The following NEDD9 variants were observed in gnomAD, a reference collection of about 807,000 sequenced individuals.
NEDD9 encodes the protein enhancer of filamentation 1.
In NEDD9, 26 loss-of-function variants were observed where a neutral mutation model predicts 76.6. That is an observed-to-expected ratio of 0.34 (90% CI 0.25 to 0.47). NEDD9 has a LOEUF of 0.47. Among genes scored for constraint, NEDD9 ranks in the 20% least tolerant of loss-of-function variants. The pLI, the probability that NEDD9 is intolerant of heterozygous loss-of-function variation, is 1.00. For missense variants in NEDD9, 937 were observed against 1,058.5 expected (o/e 0.89, Z 1.59); for synonymous variants, 392 against 414.2 (o/e 0.95, Z 0.65).
chr6:11,379,503 A>G (rs1233035371), intron 1 of NEDD9, among the ~76,000 whole-genome samples: 1 of 152,094 alleles, frequency 6.6e-6, no homozygotes, highest in Admixed American at 6.6e-5. Flanking sequence ...CAAGAGAATC[A>G]CTTGAACCTG....
chr6:11,345,943 C>T (rs1368384376), intron 1 of NEDD9, among the ~76,000 whole-genome samples: 1 of 152,230 alleles, frequency 6.6e-6, no homozygotes, highest in African/African-American at 2.4e-5. Context: ...TGCACCTGCT[C>T]TGTTTGCGTA....
intron 1 of NEDD9, among the ~76,000 whole-genome samples, chr6:11,218,733 A>G (rs1759050227): frequency 1.3e-5 from 2 of 152,186 alleles, no homozygotes; most frequent in Admixed American, 1.3e-4. Context: ...GAATTTTCAG[A>G]TGGAAGTGGG....
chr6:11,342,806 G>A (rs1178094394), intron 1 of NEDD9, among the ~76,000 whole-genome samples: 1 of 152,124 alleles, frequency 6.6e-6, no homozygotes, highest in Non-Finnish European at 1.5e-5. Context: ...AAAAAATAAT[G>A]ACTGATAAAT....
chr6:11,232,481 A>C, intron 1 of NEDD9, 23 bp downstream of exon 1: 1 of 1,614,212 alleles, frequency 6.2e-7, no homozygotes, highest in Non-Finnish European at 8.5e-7. Flanking sequence ...TTGCAAGGTA[A>C]CCTGTAAAAG....
At chr6:11,278,052 CG>C (rs1760451666) in intron 3 of NEDD9, among the ~76,000 whole-genome samples, 2 of 152,150 alleles carry the variant, frequency 1.3e-5, no homozygotes, top group Admixed American at 6.5e-5. Flanking sequence ...GAATGGGAGT[CG>C]GGTGCTTCCT....
intron 3 of NEDD9, among the ~76,000 whole-genome samples, chr6:11,255,496 C>CT (rs1444112598): frequency 6.6e-6 from 1 of 152,030 alleles, no homozygotes; most frequent in Non-Finnish European, 1.5e-5. Flanking sequence ...TAGAATTAGT[C>CT]TGGTGACAAG....
At chr6:11,355,860 A>G (rs1222085409) in intron 1 of NEDD9, among the ~76,000 whole-genome samples, 2 of 152,156 alleles carry the variant, frequency 1.3e-5, no homozygotes, top group East Asian at 3.9e-4. Flanking sequence ...AGCTGGGACT[A>G]CAGGCACCCG....
In NEDD9 at chr6:11,191,148, A is replaced by T. The variant is rs1280358728; in HGVS notation, c.721T>A (p.Tyr241Asn). The T allele has an allele frequency of 6.2e-7, 1 of 1,613,774 alleles. No homozygotes were observed. Among genetic ancestry groups the T allele is most frequent in the Admixed American group, 1.7e-5 (1 of 59,980 alleles). The change falls in exon 5 of 7, where the codon TAT becomes AAT. Residue 241 changes from tyrosine (Y) to asparagine (N), a missense_variant. Transcript: ENST00000379446. The stretch of plus-strand genomic sequence containing the variant: ...TGTCTCATGGGAGGGGGGAAGTCAT[A>T]GTCTTTTTCCCTAAGCCCTGCTTCA... ...RDEAGLREKD[Y>N]DFPPPMRQAG... is the part of the protein sequence containing the mutation.
At chr6:11,281,284 C>G (rs11969780) in intron 3 of NEDD9, among the ~76,000 whole-genome samples, 2,645 of 152,324 alleles carry the variant, frequency 0.017, 74 homozygotes, top group African/African-American at 0.059. Context: ...GGGCTCTTCC[C>G]CAGCCCTAAA....
intron 3 of NEDD9, among the ~76,000 whole-genome samples, chr6:11,297,067 A>T (rs999216768): frequency 2.0e-5 from 3 of 150,798 alleles, no homozygotes; most frequent in Non-Finnish European, 2.9e-5. Context: ...ATAACATGCC[A>T]TGCCTGGCTG....
chr6:11,270,634 G>A (rs752182520), intron 3 of NEDD9, among the ~76,000 whole-genome samples: 2 of 152,126 alleles, frequency 1.3e-5, no homozygotes, highest in Admixed American at 6.6e-5. Context: ...CCTCACGTCC[G>A]CATACAGGAG....
intron 3 of NEDD9, among the ~76,000 whole-genome samples, chr6:11,238,223 A>G (rs1446998266): frequency 6.6e-6 from 1 of 152,114 alleles, no homozygotes; most frequent in Non-Finnish European, 1.5e-5. Context: ...TATTGTTCTT[A>G]CTTTACACTT....
intron 3 of NEDD9, among the ~76,000 whole-genome samples, chr6:11,295,192 G>T (rs1760862621): frequency 6.6e-6 from 1 of 152,192 alleles, no homozygotes; most frequent in African/African-American, 2.4e-5. Flanking sequence ...GCACACCTTT[G>T]TATGTACCTC....
intron 3 of NEDD9, among the ~76,000 whole-genome samples, chr6:11,263,720 A>G (rs1036392368): frequency 1.4e-4 from 21 of 152,188 alleles, no homozygotes; most frequent in Non-Finnish European, 5.9e-5. Context: ...ACATGTGCAT[A>G]GGTGCCATTT....
intron 3 of NEDD9, among the ~76,000 whole-genome samples, chr6:11,249,540 T>C (rs1197986374): frequency 6.6e-6 from 1 of 152,066 alleles, no homozygotes; most frequent in Non-Finnish European, 1.5e-5. Flanking sequence ...CTCATCCCAT[T>C]AGCCAGATCT....
chr6:11,352,476 T>G (rs1012236293), intron 1 of NEDD9: 2 of 152,194 alleles, frequency 1.3e-5, no homozygotes, highest in Non-Finnish European at 2.9e-5. Flanking sequence ...GCCTCAAGCA[T>G]AATCATTTGG....
chr6:11,208,841 CT>C lies in NEDD9; in HGVS notation c.459+4439del, dbSNP rs1242531668. ...TGATCTTTGAAGCAGAGAAATGAGA[CT>C]ATTTTAGATCTTTTTAGGCTTTTGG... On this transcript the variant is annotated intron_variant, in intron 2 of 6. Coordinates refer to ENST00000379446, the MANE Select transcript of NEDD9 (RefSeq NM_006403.4). Among the ~76,000 whole-genome samples the C allele has an allele frequency of 2.6e-5, 4 of 152,326 alleles. No homozygotes were observed. In the East Asian group the frequency reaches 7.7e-4, roughly 29 times the overall value.
chr6:11,275,097 A>G (rs1760389388), intron 3 of NEDD9, among the ~76,000 whole-genome samples: 1 of 152,228 alleles, frequency 6.6e-6, no homozygotes, highest in Non-Finnish European at 1.5e-5. Flanking sequence ...ATTTGTGACA[A>G]CATGGGTGAA....
chr6:11,226,371 C>T (rs1759308884), intron 1 of NEDD9, among the ~76,000 whole-genome samples: 1 of 152,096 alleles, frequency 6.6e-6, no homozygotes, highest in Admixed American at 6.6e-5. Context: ...AGTATTTCTT[C>T]CCAATGGCCC....
Sources: gnomAD v4.1 joint callset for allele counts (sites outside exome capture counted in the v4.1 genomes callset) on GRCh38, gnomAD v4.1.1 for gene constraint, MANE v1.5 for transcripts, NCBI Gene and HGNC (gene_info 2026-07-23, HGNC 2026-07-21) for gene names.